Variants in RBMS3 observed in about 807,000 individuals in gnomAD.
RBMS3 encodes the protein RNA binding motif single stranded interacting protein 3.
RBMS3 carries 27 observed loss-of-function variants against 66.8 expected under a neutral mutation model. The ratio of observed to expected loss-of-function variants is 0.40; its 90% confidence interval spans 0.30 to 0.56. The LOEUF (loss-of-function observed/expected upper bound fraction) is 0.56. Ranked by LOEUF, RBMS3 falls within the 20% of genes least tolerant of loss-of-function variation. The pLI is 0.40. For missense variants in RBMS3, 513 were observed against 549.5 expected (o/e 0.93, Z 0.66); for synonymous variants, 188 against 183.0 (o/e 1.03, Z -0.22).
intron 4 of RBMS3, among the ~76,000 whole-genome samples, chr3:29,609,670 G>C (rs188632771): frequency 6.6e-6 from 1 of 152,034 alleles, no homozygotes; most frequent in Non-Finnish European, 1.5e-5. Flanking sequence ...CTGGCAAAAG[G>C]CCTGATACAT....
intron 6 of RBMS3, among the ~76,000 whole-genome samples, chr3:29,816,311 G>GACAC (rs66518208): frequency 0.047 from 3,231 of 68,994 alleles, 72 homozygotes; most frequent in South Asian, 0.12. Context: ...GACACACACA[G>GACAC]ACACACACAC....
chr3:29,578,263 G>A (rs1014178534), intron 3 of RBMS3, among the ~76,000 whole-genome samples: 1 of 152,164 alleles, frequency 6.6e-6, no homozygotes, highest in Non-Finnish European at 1.5e-5. Flanking sequence ...CAAGGTCTAG[G>A]TGTAAGGGAA....
intron 2 of RBMS3, among the ~76,000 whole-genome samples, chr3:29,448,464 C>T (rs192916770): frequency 1.8e-4 from 28 of 152,284 alleles, no homozygotes; most frequent in Middle Eastern, 3.4e-3. Context: ...CCTCTGTGTG[C>T]GACTCTTCTT....
intron 1 of RBMS3, among the ~76,000 whole-genome samples, chr3:29,304,252 A>G (rs776417045): frequency 2.6e-5 from 4 of 152,040 alleles, no homozygotes; most frequent in Non-Finnish European, 5.9e-5. Flanking sequence ...ATTAGTTACA[A>G]GGACTAGGGA....
intron 6 of RBMS3, among the ~76,000 whole-genome samples, chr3:29,830,187 A>G (rs2058334817): frequency 6.6e-6 from 1 of 151,498 alleles, no homozygotes; most frequent in African/African-American, 2.4e-5. Flanking sequence ...GACATTTTTG[A>G]TAAAATTGTG....
chr3:29,931,242 C>G (rs2061113896), intron 10 of RBMS3, among the ~76,000 whole-genome samples: 1 of 151,996 alleles, frequency 6.6e-6, no homozygotes. Flanking sequence ...ATAGAGATTA[C>G]AAAAGTTGTA....
At chr3:29,547,315 G>A (rs1011933291) in intron 3 of RBMS3, among the ~76,000 whole-genome samples, 17 of 152,052 alleles carry the variant, frequency 1.1e-4, no homozygotes, top group African/African-American at 3.1e-4. Flanking sequence ...TCAAATTACT[G>A]TGGGTGACAA....
At chr3:29,498,244 C>G (rs2043836520) in intron 3 of RBMS3, among the ~76,000 whole-genome samples, 1 of 151,754 alleles carries the variant, frequency 6.6e-6, no homozygotes. Flanking sequence ...ATCCACCTGC[C>G]TCGGCCTCCC....
intron 3 of RBMS3, among the ~76,000 whole-genome samples, chr3:29,524,763 C>G (rs565039768): frequency 6.6e-6 from 1 of 151,928 alleles, no homozygotes. Context: ...AAAAAATGAC[C>G]TCTTGAGAGG....
At chr3:29,640,110 A>T (rs998041022) in intron 4 of RBMS3, among the ~76,000 whole-genome samples, 1 of 151,906 alleles carries the variant, frequency 6.6e-6, no homozygotes, top group Non-Finnish European at 1.5e-5. Context: ...GCTGAGAGAA[A>T]GGAATGCTAG....
chr3:29,791,200 G>C (rs904076933), intron 6 of RBMS3, among the ~76,000 whole-genome samples: 2 of 152,096 alleles, frequency 1.3e-5, no homozygotes, highest in African/African-American at 2.4e-5. Context: ...GATTTCTTTA[G>C]AAGACAGGTA....
At chr3:29,925,836 A>C (rs1465123420) in intron 10 of RBMS3, among the ~76,000 whole-genome samples, 1 of 152,190 alleles carries the variant, frequency 6.6e-6, no homozygotes, top group Non-Finnish European at 1.5e-5. Flanking sequence ...ACAAGGTAGT[A>C]GAGTTTAAGA....
intron 2 of RBMS3, among the ~76,000 whole-genome samples, chr3:29,482,093 AG>A (rs1356361816): frequency 6.6e-6 from 1 of 152,156 alleles, no homozygotes. Context: ...TTTCTATATT[AG>A]TTGGCCAAAT....
At chr3:29,869,293 AC>A (rs1277952816) in intron 7 of RBMS3, among the ~76,000 whole-genome samples, 1 of 152,178 alleles carries the variant, frequency 6.6e-6, no homozygotes, top group Non-Finnish European at 1.5e-5. Context: ...TAATTACTTA[AC>A]AAAATATTTT....
intron 4 of RBMS3, among the ~76,000 whole-genome samples, chr3:29,722,074 G>T (rs892977642): frequency 6.6e-6 from 1 of 152,144 alleles, no homozygotes; most frequent in Non-Finnish European, 1.5e-5. Flanking sequence ...CAGTTTGAAT[G>T]CAAGACACAA....
intron 4 of RBMS3, among the ~76,000 whole-genome samples, chr3:29,688,813 C>T (rs1226827545): frequency 6.6e-6 from 1 of 151,894 alleles, no homozygotes; most frequent in Non-Finnish European, 1.5e-5. Context: ...GAACTCCTGA[C>T]CTCGTGATCC....
At chr3:29,805,342 A>G (rs1286729049) in intron 6 of RBMS3, among the ~76,000 whole-genome samples, 2 of 152,104 alleles carry the variant, frequency 1.3e-5, no homozygotes. Context: ...AAATGACTGC[A>G]TTAATGGTTT....
chr3:29,588,784 C>A (rs867994003), intron 4 of RBMS3, among the ~76,000 whole-genome samples: 7 of 151,934 alleles, frequency 4.6e-5, no homozygotes, highest in Admixed American at 6.6e-5. Context: ...GGTTACTTGG[C>A]AAAGAGTCAA....
chr3:29,431,727 T>A (rs1024229321), intron 1 of RBMS3, among the ~76,000 whole-genome samples: 2 of 152,152 alleles, frequency 1.3e-5, no homozygotes, highest in East Asian at 3.9e-4. Flanking sequence ...TTGTTATTTT[T>A]ACTTTTTATT....
Sources: gnomAD v4.1 joint callset for allele counts (sites outside exome capture counted in the v4.1 genomes callset) on GRCh38, gnomAD v4.1.1 for gene constraint, MANE v1.5 for transcripts, NCBI Gene and HGNC (gene_info 2026-07-23, HGNC 2026-07-21) for gene names.